Variants in ZNF429 observed in about 807,000 individuals in gnomAD.
ZNF429 encodes the protein zinc finger protein 429.
Under a neutral mutation model 56.8 loss-of-function variants are expected in ZNF429, and 53 were observed. That is an observed-to-expected ratio of 0.93 (90% CI 0.75 to 1.17). The LOEUF (loss-of-function observed/expected upper bound fraction) is 1.17. Ranked by LOEUF, ZNF429 falls within the 50% of genes most tolerant of loss-of-function variation. The pLI is 0.00. For synonymous variants in ZNF429, 278 were observed against 264.7 expected (o/e 1.05, Z -0.49); for missense variants, 849 against 788.4 (o/e 1.08, Z -0.92).
intron 1 of ZNF429, among the ~76,000 whole-genome samples, chr19:21,526,140 G>A (rs2033164492): frequency 6.6e-6 from 1 of 151,884 alleles, no homozygotes; most frequent in South Asian, 2.1e-4. Flanking sequence ...TTTTTGAGAA[G>A]CTACTTTAAT....
chr19:21,536,201 A>G, intron 3 of ZNF429, 79 bp from the exon 4 acceptor site: 1 of 1,406,864 alleles, frequency 7.1e-7, no homozygotes, highest in Non-Finnish European at 9.5e-7. Flanking sequence ...AGTTTTTATA[A>G]CTTTAGAGGT....
intron 1 of ZNF429, among the ~76,000 whole-genome samples, chr19:21,524,606 T>G (rs2562464): frequency 3.4e-4 from 51 of 152,112 alleles, no homozygotes; most frequent in African/African-American, 1.2e-3. Context: ...TCAGGACGGG[T>G]GATCCAGGTT....
At chr19:21,524,804 T>A (rs1377167788) in intron 1 of ZNF429, among the ~76,000 whole-genome samples, 1 of 152,204 alleles carries the variant, frequency 6.6e-6, no homozygotes, top group African/African-American at 2.4e-5. Context: ...TTAATTCCGC[T>A]TCTGTTTCAA....
Position 21,539,721 on chromosome 19 carries a change from G to C in ZNF429, c.*1643G>C, listed in dbSNP as rs954428119. Among the ~76,000 whole-genome samples the C allele has an allele frequency of 2.0e-5, 3 of 151,708 alleles. No homozygotes were observed. Among genetic ancestry groups the C allele is most frequent in the Non-Finnish European group, 4.4e-5 (3 of 67,984 alleles). ...GCTGGGATTGCAGCCATGAGCCACT[G>C]CACCCAGCCCAAAGTATGCTTTTAA... On this transcript the variant is annotated 3_prime_UTR_variant, in exon 4 of 4. Transcript: ENST00000358491.
At chr19:21,508,001 C>T (rs1038691209) in intron 1 of ZNF429, among the ~76,000 whole-genome samples, 1 of 152,034 alleles carries the variant, frequency 6.6e-6, no homozygotes, top group Non-Finnish European at 1.5e-5. Context: ...GCCTGTAATC[C>T]CAGCACTTTG....
rs770829890 is a variant in ZNF429, at chr19:21,529,759, G to GCT, written c.105_106insCT (p.Asn36LeufsTer18). ...ACTTATATAGAAATGTGATGTTAGA[G>GCT]AACTACAGAAACTTGGTCTTCCTGG... On this transcript the variant is annotated frameshift_variant, in exon 2 of 4. Transcript: ENST00000358491. LOFTEE classifies it high-confidence loss of function. 1.3e-6 allele frequency: 2 copies of GCT among 1,584,170 alleles called. No individual in the cohort carries two copies. The highest frequency in any genetic ancestry group is 2.3e-5 in the South Asian group (2 of 88,484).
intron 1 of ZNF429, among the ~76,000 whole-genome samples, chr19:21,508,175 G>A (rs1398533503): frequency 2.6e-5 from 4 of 151,960 alleles, no homozygotes; most frequent in South Asian, 2.1e-4. Flanking sequence ...CTCGGGAGGC[G>A]GAGGTTGCGG....
At chr19:21,526,600 G>T (rs2145455362) in intron 1 of ZNF429, among the ~76,000 whole-genome samples, 1 of 152,282 alleles carries the variant, frequency 6.6e-6, no homozygotes, top group South Asian at 2.1e-4. Context: ...TTTGAACTAT[G>T]TAGTTATCTC....
chr19:21,514,651 G>A (rs1015902606), intron 1 of ZNF429, among the ~76,000 whole-genome samples: 1 of 151,974 alleles, frequency 6.6e-6, no homozygotes, highest in Non-Finnish European at 1.5e-5. Flanking sequence ...AGGCTGGAGT[G>A]CAGTTTTACA....
At chr19:21,530,757 A>G in intron 3 of ZNF429, 73 bp downstream of exon 3, 12,328 of 1,121,496 alleles carry the variant, frequency 0.011, 263 homozygotes, top group African/African-American at 0.072. Context: ...AGTCCTTAAC[A>G]ATGTGATTTG....
Position 21,538,032 on chromosome 19 carries a change from G to C in ZNF429, c.1979G>C (p.Arg660Thr). ...HACNPSTLGG[R>T]GGRITRSGDR... The stretch of plus-strand genomic sequence containing the variant: ...TGTAATCCCAGCACTTTGGGAGGCA[G>C]AGGTGGGCGGATCACGAGGTCAGGA... The change falls in exon 4 of 4, where the codon AGA becomes ACA. Residue 660 changes from arginine to threonine, a missense_variant. Coordinates refer to ENST00000358491, the MANE Select transcript of ZNF429 (RefSeq NM_001001415.4). The C allele has an allele frequency of 6.3e-7, 1 of 1,586,476 alleles. No individual in the cohort carries two copies.
chr19:21,528,234 T>C (rs113175825), intron 1 of ZNF429, among the ~76,000 whole-genome samples: 1,804 of 152,290 alleles, frequency 0.012, 36 homozygotes, highest in African/African-American at 0.037. Context: ...GGAGAACATG[T>C]AATGTTGAGG....
At position 21,529,596 on chromosome 19, in the gene ZNF429, G is replaced by C. The variant is rs191125623; in HGVS notation, c.4-62G>C. On this transcript the variant is annotated intron_variant, in intron 1 of 3. Transcript: ENST00000358491. ...ATTAAATAAAAAATTCTACCCATGG[G>C]CACTTGGTCAATATATTTCTCTCTC... The C allele has an allele frequency of 3.4e-4, 460 of 1,356,426 alleles. 2 individuals carry two copies. Among genetic ancestry groups the C allele is most frequent in the Non-Finnish European group, 3.9e-4 (403 of 1,041,500 alleles). 84.0% of individuals were successfully genotyped at this position (1,356,426 alleles called of 1,614,324 possible). A position where few individuals can be genotyped will look rare whatever the true frequency, so the allele number is the denominator to read the frequency against.
intron 1 of ZNF429, among the ~76,000 whole-genome samples, chr19:21,506,917 C>A (rs1054575166): frequency 6.6e-6 from 1 of 151,878 alleles, no homozygotes; most frequent in African/African-American, 2.4e-5. Flanking sequence ...TATAGGCAGG[C>A]ACCACCACGC....
At chr19:21,530,249 T>C in intron 2 of ZNF429, among the ~76,000 whole-genome samples, 1 of 151,684 alleles carries the variant, frequency 6.6e-6, no homozygotes, top group African/African-American at 2.4e-5. Context: ...TTCTTCAAGA[T>C]GTTTTGTCTT....
chr19:21,533,707 G>C, intron 3 of ZNF429, among the ~76,000 whole-genome samples: 1 of 151,042 alleles, frequency 6.6e-6, no homozygotes, highest in Non-Finnish European at 1.5e-5. Flanking sequence ...CCAGGCTGGA[G>C]TGTACCGGTG....
At chr19:21,533,787 G>T in intron 3 of ZNF429, among the ~76,000 whole-genome samples, 1 of 151,676 alleles carries the variant, frequency 6.6e-6, no homozygotes, top group African/African-American at 2.4e-5. Context: ...CCAAGTAGCT[G>T]GGATTACAGG....
In ZNF429 at chr19:21,536,273, A is replaced by T; in HGVS notation, c.227-7A>T. ...TGAAGTAATTTGTTGTTTTAATTTT[A>T]TTTTAGTTGTGTGTTCTCATTTTGC... On this transcript the variant is annotated splice_polypyrimidine_tract_variant and splice_region_variant and intron_variant, in intron 3 of 3. Coordinates refer to ENST00000358491, the MANE Select transcript of ZNF429 (RefSeq NM_001001415.4). The T allele has an allele frequency of 6.5e-7, 1 of 1,549,440 alleles. No homozygotes were observed. The highest frequency in any genetic ancestry group is 1.4e-5 in the African/African-American group (1 of 72,322).
At chr19:21,514,826 T>A (rs908127170) in intron 1 of ZNF429, among the ~76,000 whole-genome samples, 1 of 152,162 alleles carries the variant, frequency 6.6e-6, no homozygotes, top group Non-Finnish European at 1.5e-5. Context: ...CTCGAACTCC[T>A]GACCTCAAGT....
Sources: gnomAD v4.1 joint callset for allele counts (sites outside exome capture counted in the v4.1 genomes callset) on GRCh38, gnomAD v4.1.1 for gene constraint, MANE v1.5 for transcripts, NCBI Gene and HGNC (gene_info 2026-07-23, HGNC 2026-07-21) for gene names.